The following PCDH17 variants were observed in gnomAD, a reference collection of about 807,000 sequenced individuals.
PCDH17 encodes the protein protocadherin 17.
Under a neutral mutation model 67.7 loss-of-function variants are expected in PCDH17, and 21 were observed. That is an observed-to-expected ratio of 0.31 (90% CI 0.22 to 0.45). The LOEUF (loss-of-function observed/expected upper bound fraction) is 0.45. PCDH17 is among the 20% of genes least tolerant of loss of function. PCDH17 has a pLI of 1.00. For missense variants in PCDH17, 1,471 were observed against 1,564.8 expected (o/e 0.94, Z 1.01); for synonymous variants, 701 against 656.7 (o/e 1.07, Z -1.03).
chr13:57,690,233 G>A (rs996782152), intron 3 of PCDH17, among the ~76,000 whole-genome samples: 13 of 151,350 alleles, frequency 8.6e-5, no homozygotes, highest in African/African-American at 2.4e-5. Context: ...ATTCATGCTG[G>A]GTTTTTACTG....
intron 3 of PCDH17, among the ~76,000 whole-genome samples, chr13:57,680,360 A>G: frequency 6.6e-6 from 1 of 151,652 alleles, no homozygotes; most frequent in East Asian, 1.9e-4. Flanking sequence ...AGAAGTGGAG[A>G]TGTAGCAAGC....
intron 3 of PCDH17, among the ~76,000 whole-genome samples, chr13:57,683,082 G>A (rs776757854): frequency 6.6e-6 from 1 of 151,828 alleles, no homozygotes; most frequent in African/African-American, 2.4e-5. Context: ...TTTTAGCTTA[G>A]GATGTCTAAT....
At chr13:57,666,881 A>C (rs889431099) in intron 3 of PCDH17, 48 bp downstream of exon 3, 1 of 1,435,544 alleles carries the variant, frequency 7.0e-7, no homozygotes, top group Non-Finnish European at 9.5e-7. Context: ...TTAAGCAGTC[A>C]TTATAAACCT....
At chr13:57,722,057 C>T (rs1304564965) in intron 3 of PCDH17, among the ~76,000 whole-genome samples, 1 of 152,084 alleles carries the variant, frequency 6.6e-6, no homozygotes, top group African/African-American at 2.4e-5. Context: ...ACAAGGTGAA[C>T]AGCTTGTAAT....
At chr13:57,643,843 G>A (rs1954933614) in intron 1 of PCDH17, among the ~76,000 whole-genome samples, 1 of 151,598 alleles carries the variant, frequency 6.6e-6, no homozygotes, top group South Asian at 2.1e-4. Context: ...AGAGGTCAGT[G>A]CCTTGCCTCA....
At chr13:57,720,119 G>C (rs925008693) in intron 3 of PCDH17, among the ~76,000 whole-genome samples, 1 of 151,928 alleles carries the variant, frequency 6.6e-6, no homozygotes, top group Admixed American at 6.6e-5. Flanking sequence ...ACAATGGCTT[G>C]ATTCATCTGA....
intron 3 of PCDH17, among the ~76,000 whole-genome samples, chr13:57,680,142 A>ATG (rs1425356547): frequency 6.7e-6 from 1 of 150,028 alleles, no homozygotes; most frequent in African/African-American, 2.4e-5. Context: ...ATATCTACAT[A>ATG]TATATATATA....
intron 3 of PCDH17, among the ~76,000 whole-genome samples, chr13:57,686,163 A>G (rs1343761776): frequency 6.6e-6 from 1 of 151,990 alleles, no homozygotes; most frequent in Non-Finnish European, 1.5e-5. Flanking sequence ...ATCAATTGTG[A>G]CAAATGTACC....
chr13:57,672,260 ATTTG>A (rs1264269632), intron 3 of PCDH17, among the ~76,000 whole-genome samples: 1 of 151,872 alleles, frequency 6.6e-6, no homozygotes, highest in East Asian at 1.9e-4. Flanking sequence ...GCTAATAAAT[ATTTG>A]TTTGTTTCTT....
intron 3 of PCDH17, among the ~76,000 whole-genome samples, chr13:57,705,697 G>A (rs1421317871): frequency 1.3e-5 from 2 of 152,020 alleles, no homozygotes; most frequent in Admixed American, 6.6e-5. Flanking sequence ...AAACTGAAAA[G>A]AGAAGCTTCA....
intron 1 of PCDH17, among the ~76,000 whole-genome samples, chr13:57,644,507 C>T (rs1954941838): frequency 6.6e-6 from 1 of 151,074 alleles, no homozygotes; most frequent in Non-Finnish European, 1.5e-5. Context: ...AATTTGTTAC[C>T]ACCTGTGGCT....
At chr13:57,683,723 T>C (rs1955479796) in intron 3 of PCDH17, among the ~76,000 whole-genome samples, 2 of 151,824 alleles carry the variant, frequency 1.3e-5, no homozygotes, top group South Asian at 4.1e-4. Flanking sequence ...AAACCGCCTT[T>C]CCTATTACTG....
chr13:57,719,643 A>G (rs1955856843), intron 3 of PCDH17, among the ~76,000 whole-genome samples: 1 of 152,028 alleles, frequency 6.6e-6, no homozygotes, highest in Non-Finnish European at 1.5e-5. Context: ...TAGTGCTCTG[A>G]AGACAGGGAA....
At chr13:57,653,308 C>T (rs1203674047) in intron 1 of PCDH17, among the ~76,000 whole-genome samples, 1 of 151,936 alleles carries the variant, frequency 6.6e-6, no homozygotes, top group Non-Finnish European at 1.5e-5. Flanking sequence ...AGGAAGAAAG[C>T]CATTCCAGGG....
At chr13:57,723,668 A>G (rs939527124) in intron 3 of PCDH17, among the ~76,000 whole-genome samples, 1 of 152,190 alleles carries the variant, frequency 6.6e-6, no homozygotes. Context: ...TATATAAGAA[A>G]GGGACAACTG....
intron 3 of PCDH17, among the ~76,000 whole-genome samples, chr13:57,714,957 A>G (rs1174915805): frequency 6.6e-6 from 1 of 151,822 alleles, no homozygotes; most frequent in Non-Finnish European, 1.5e-5. Context: ...AAAATTATAA[A>G]GAGGTGATTA....
intron 3 of PCDH17, among the ~76,000 whole-genome samples, chr13:57,688,835 C>A (rs558053818): frequency 3.9e-5 from 6 of 152,078 alleles, no homozygotes; most frequent in African/African-American, 1.2e-4. Flanking sequence ...GAGGACCAAC[C>A]TAGATTATCT....
intron 1 of PCDH17, among the ~76,000 whole-genome samples, chr13:57,659,347 G>A (rs1004966252): frequency 1.3e-5 from 2 of 151,960 alleles, no homozygotes; most frequent in Non-Finnish European, 2.9e-5. Context: ...TTAGAAATTA[G>A]ACTTAAAATA....
chr13:57,689,271 C>T (rs1487520124), intron 3 of PCDH17, among the ~76,000 whole-genome samples: 2 of 151,972 alleles, frequency 1.3e-5, no homozygotes, highest in African/African-American at 4.8e-5. Flanking sequence ...CAACCAGAAG[C>T]TCCCTGGGGA....
Sources: gnomAD v4.1 joint callset for allele counts (sites outside exome capture counted in the v4.1 genomes callset) on GRCh38, gnomAD v4.1.1 for gene constraint, MANE v1.5 for transcripts, NCBI Gene and HGNC (gene_info 2026-07-23, HGNC 2026-07-21) for gene names.